The following DSCAML1 variants were observed in gnomAD, a reference collection of about 807,000 sequenced individuals.
DSCAML1 encodes the protein DS cell adhesion molecule like 1.
Under a neutral mutation model 200.5 loss-of-function variants are expected in DSCAML1, and 38 were observed. The observed-to-expected ratio is 0.19, with a 90% CI of 0.15 to 0.25. DSCAML1 has a LOEUF of 0.25. DSCAML1 is among the 10% of genes least tolerant of loss of function. The pLI is 1.00. For missense variants in DSCAML1, 2,223 were observed against 2,858.8 expected (o/e 0.78, Z 5.07); for synonymous variants, 1,215 against 1,165.0 (o/e 1.04, Z -0.87).
At chr11:117,631,447 C>G (rs7102737) in intron 3 of DSCAML1, among the ~76,000 whole-genome samples, 26,552 of 152,204 alleles carry the variant, frequency 0.17, 2,481 homozygotes, top group African/African-American at 0.24. Flanking sequence ...GTTCACCTGG[C>G]ACACCCCAAA....
At chr11:117,796,810 C>A (rs1160618051) in intron 1 of DSCAML1, among the ~76,000 whole-genome samples, 1 of 152,178 alleles carries the variant, frequency 6.6e-6, no homozygotes, top group Admixed American at 6.5e-5. Context: ...CCTACGGGCG[C>A]GCCCCAAAAC....
At chr11:117,813,164 G>C (rs925529835) in intron 1 of DSCAML1, among the ~76,000 whole-genome samples, 16 of 152,136 alleles carry the variant, frequency 1.1e-4, no homozygotes, top group Non-Finnish European at 2.4e-4. Flanking sequence ...AACTTAAAAA[G>C]GACTGGACAA....
intron 3 of DSCAML1, among the ~76,000 whole-genome samples, chr11:117,652,099 C>T (rs2052645375): frequency 6.6e-6 from 1 of 152,254 alleles, no homozygotes; most frequent in African/African-American, 2.4e-5. Flanking sequence ...AGGCTGACAG[C>T]AAACCCTTGG....
chr11:117,602,093 C>T (rs2051476864), intron 3 of DSCAML1, among the ~76,000 whole-genome samples: 1 of 152,260 alleles, frequency 6.6e-6, no homozygotes, highest in Non-Finnish European at 1.5e-5. Flanking sequence ...CTGTTCCTAC[C>T]TCAGAATCAG....
chr11:117,685,437 C>T lies in DSCAML1; in HGVS notation c.511+91354G>A, dbSNP rs185440572. Among the ~76,000 whole-genome samples the T allele has an allele frequency of 3.3e-5, 5 of 152,280 alleles. No homozygotes were observed. In the East Asian group the frequency reaches 9.7e-4, roughly 29 times the overall value. On this transcript the variant is annotated intron_variant, in intron 3 of 32. Transcript: ENST00000651296. ...CAGAAAACAGGGTCAGGGTGGAGGC[C>T]CAGGCAGGGTCATGGGCAGGGCATG...
At chr11:117,492,509 G>T (rs34244917) in intron 11 of DSCAML1, among the ~76,000 whole-genome samples, 3 of 152,162 alleles carry the variant, frequency 2.0e-5, no homozygotes, top group South Asian at 2.1e-4. Flanking sequence ...GTGTGTTCAA[G>T]GCTCGGATCG....
At chr11:117,451,199 T>G (rs1423686204) in intron 19 of DSCAML1, among the ~76,000 whole-genome samples, 12 of 152,182 alleles carry the variant, frequency 7.9e-5, no homozygotes, top group Non-Finnish European at 1.6e-4. Flanking sequence ...AAAGTCTACC[T>G]TAGAAGTCAC....
At position 117,504,971 on chromosome 11, in the gene DSCAML1, G is replaced by A. The variant is rs748617884; in HGVS notation, c.2135C>T (p.Ser712Leu). The A allele has an allele frequency of 3.7e-6, 6 of 1,611,794 alleles. No homozygotes were observed. Among genetic ancestry groups the A allele is most frequent in the Admixed American group, 1.7e-5 (1 of 59,956 alleles). The part of the protein sequence containing the change: ...IYGKAGVLNC[S>L]VDGYPPPKVM... ...CTTGGGTGGGGGGTAGCCGTCCACCGAGCAGTTGAGCACACCAGCTTTGCC... is the reference window on the plus strand; with the variant it reads ...CTTGGGTGGGGGGTAGCCGTCCACCAAGCAGTTGAGCACACCAGCTTTGCC... The change falls in exon 10 of 33, where the codon TCG (serine) becomes TTG (leucine). Residue 712 changes from serine (S) to leucine (L), a missense_variant. By Grantham distance (145) the Ser-to-Leu change is moderately radical. Coordinates refer to ENST00000651296, the MANE Select transcript of DSCAML1 (RefSeq NM_020693.4). This position sits in a 1 kb window ranked among gnomAD's most constrained non-coding sequence, Gnocchi z 5.0.
At chr11:117,678,184 C>A (rs954877931) in intron 3 of DSCAML1, among the ~76,000 whole-genome samples, 2 of 152,228 alleles carry the variant, frequency 1.3e-5, no homozygotes, top group Non-Finnish European at 2.9e-5. Flanking sequence ...TCTCATCCCT[C>A]CTCCCAGCCT....
At position 117,498,063 on chromosome 11, in the gene DSCAML1, G is replaced by T. The variant is rs1458281706; in HGVS notation, c.2359+5782C>A. On this transcript the variant is annotated intron_variant, in intron 11 of 32. Coordinates refer to ENST00000651296, the MANE Select transcript of DSCAML1 (RefSeq NM_020693.4). This position sits in a 1 kb window ranked among gnomAD's most constrained non-coding sequence, Gnocchi z 4.0. ...TCAGCCAGTCCAGATTCCAGAGTGG[G>T]CAAAGGCCTGTGCTGAGCTGGGTGC... Among the ~76,000 whole-genome samples the T allele has an allele frequency of 6.6e-6, 1 of 152,232 alleles. No homozygotes were observed. Among genetic ancestry groups the T allele is most frequent in the Non-Finnish European group, 1.5e-5 (1 of 68,040 alleles).
intron 19 of DSCAML1, among the ~76,000 whole-genome samples, chr11:117,453,961 C>G (rs1239206546): frequency 6.6e-6 from 1 of 152,080 alleles, no homozygotes; most frequent in Non-Finnish European, 1.5e-5. Flanking sequence ...CCAGGCTGGT[C>G]TTGAACTCCT....
At chr11:117,774,852 T>C (rs2055104004) in intron 3 of DSCAML1, among the ~76,000 whole-genome samples, 1 of 152,170 alleles carries the variant, frequency 6.6e-6, no homozygotes, top group African/African-American at 2.4e-5. Flanking sequence ...GAGCCTCAGT[T>C]TCCTCTTCTG....
intron 3 of DSCAML1, among the ~76,000 whole-genome samples, chr11:117,541,693 G>T (rs1276459028): frequency 1.3e-5 from 2 of 152,190 alleles, no homozygotes; most frequent in Admixed American, 1.3e-4. Context: ...CACAGCCCAG[G>T]TTGTCTGGAC....
intron 3 of DSCAML1, among the ~76,000 whole-genome samples, chr11:117,554,527 C>A (rs1046268741): frequency 3.3e-5 from 5 of 152,120 alleles, no homozygotes; most frequent in Non-Finnish European, 7.4e-5. Flanking sequence ...CAGGTGGGAA[C>A]AACCACACCT....
chr11:117,766,825 T>C (rs1022640847), intron 3 of DSCAML1, among the ~76,000 whole-genome samples: 1 of 152,102 alleles, frequency 6.6e-6, no homozygotes, highest in Non-Finnish European at 1.5e-5. Context: ...GTGTGGCTGA[T>C]GGTTCTGGAA....
chr11:117,693,073 G>A (rs551977451), intron 3 of DSCAML1, among the ~76,000 whole-genome samples: 2 of 152,166 alleles, frequency 1.3e-5, no homozygotes, highest in Admixed American at 6.5e-5. Flanking sequence ...CACAGAGTAC[G>A]GGAAGCATTC....
At chr11:117,456,079 G>A (rs1174428828) in intron 19 of DSCAML1, among the ~76,000 whole-genome samples, 2 of 152,208 alleles carry the variant, frequency 1.3e-5, no homozygotes, top group Non-Finnish European at 2.9e-5. Flanking sequence ...TGACCAATGG[G>A]AAATGAGGAT....
intron 3 of DSCAML1, among the ~76,000 whole-genome samples, chr11:117,736,748 G>A (rs2054322961): frequency 6.6e-6 from 1 of 152,140 alleles, no homozygotes. Flanking sequence ...CAGAACCATT[G>A]GCCCCATCTC....
intron 3 of DSCAML1, among the ~76,000 whole-genome samples, chr11:117,725,458 G>A (rs1411915709): frequency 6.6e-6 from 1 of 152,238 alleles, no homozygotes; most frequent in Non-Finnish European, 1.5e-5. Context: ...TCTGATTGAG[G>A]CTCTGATCAC....
Sources: allele counts gnomAD v4.1 joint callset (sites outside exome capture counted in the v4.1 genomes callset), GRCh38; gene constraint gnomAD v4.1.1; non-coding constraint Gnocchi (gnomAD v3.1); transcripts MANE v1.5; gene names NCBI Gene and HGNC (gene_info 2026-07-23, HGNC 2026-07-21).